Variants in ADGRG7 observed in about 807,000 individuals in gnomAD.
ADGRG7 encodes adhesion G protein-coupled receptor G7.
Under a neutral mutation model 88.6 loss-of-function variants are expected in ADGRG7, and 82 were observed. The observed-to-expected ratio is 0.93, with a 90% confidence interval of 0.77 to 1.11. ADGRG7 has a LOEUF of 1.11. Ranked by LOEUF, ADGRG7 falls within the 50% of genes most tolerant of loss-of-function variation. The probability of loss-of-function intolerance (pLI) is 0.00; values close to 1 mark genes in which losing one functional copy is unlikely to be tolerated. For synonymous variants in ADGRG7, 381 were observed against 345.2 expected, an observed-to-expected ratio of 1.10 and a Z score of -1.15; for missense variants, 945 against 953.4, an observed-to-expected ratio of 0.99 and a Z score of 0.12.
At chr3:100,683,334 T>C (rs2094976610) in intron 15 of ADGRG7, among the ~76,000 whole-genome samples, 1 of 152,170 alleles carries the variant, frequency 6.6e-6, no homozygotes, top group Non-Finnish European at 1.5e-5. Context: ...GCTGTGGCTC[T>C]TCGGGGAGCC....
At position 100,682,219 on chromosome 3, in the gene ADGRG7, G is replaced by A. The variant is rs1333147883; in HGVS notation, c.2137-12525G>A. Reference sequence around the variant, plus strand: ...TGCCCTGATGGGGCCGGACCCAGCCGCTCACCGGAGGGAGAGCAGTGCAGT... The same window carrying A: ...TGCCCTGATGGGGCCGGACCCAGCCACTCACCGGAGGGAGAGCAGTGCAGT... On this transcript the variant is annotated intron_variant, in intron 15 of 15. Coordinates refer to ENST00000273352, the MANE Select transcript of ADGRG7 (RefSeq NM_032787.3). 3.3e-5 allele frequency among the ~76,000 whole-genome samples: 5 copies of A among 152,256 alleles called. No individual in the cohort carries two copies. In the East Asian group the frequency reaches 5.8e-4, roughly 18 times the overall value.
intron 15 of ADGRG7, among the ~76,000 whole-genome samples, chr3:100,684,078 A>T (rs549926538): frequency 1.3e-5 from 2 of 151,898 alleles, no homozygotes; most frequent in Non-Finnish European, 2.9e-5. Flanking sequence ...TTGAAATCTG[A>T]TTTTCTGTCT....
chr3:100,616,064 C>G (rs1043130875), intron 1 of ADGRG7, among the ~76,000 whole-genome samples: 1 of 152,280 alleles, frequency 6.6e-6, no homozygotes, highest in Non-Finnish European at 1.5e-5. Flanking sequence ...TAAATCTGTC[C>G]TACCTATACA....
At chr3:100,676,842 A>G (rs1217663094) in intron 15 of ADGRG7, among the ~76,000 whole-genome samples, 1 of 151,976 alleles carries the variant, frequency 6.6e-6, no homozygotes. Context: ...TGACCTTTTT[A>G]TCATTGTATA....
At chr3:100,616,259 C>A (rs181580567) in intron 1 of ADGRG7, among the ~76,000 whole-genome samples, 7 of 152,000 alleles carry the variant, frequency 4.6e-5, no homozygotes, top group African/African-American at 9.7e-5. Context: ...AAATTACATG[C>A]GAACCATGAT....
chr3:100,653,053 CA>C (rs1424195597), intron 11 of ADGRG7, among the ~76,000 whole-genome samples: 12 of 152,128 alleles, frequency 7.9e-5, no homozygotes, highest in African/African-American at 2.4e-5. Context: ...AAGCATTTCC[CA>C]AAATGTGGTC....
intron 10 of ADGRG7, among the ~76,000 whole-genome samples, chr3:100,647,933 C>T (rs1559679143): frequency 6.6e-6 from 1 of 152,118 alleles, no homozygotes; most frequent in Admixed American, 6.6e-5. Flanking sequence ...AGCACAGAAC[C>T]TTGCTTTTTA....
intron 14 of ADGRG7, among the ~76,000 whole-genome samples, chr3:100,668,319 T>C (rs2094954238): frequency 6.6e-6 from 1 of 152,248 alleles, no homozygotes; most frequent in African/African-American, 2.4e-5. Flanking sequence ...GGAAAGCTCA[T>C]CTCTGCTCCA....
At chr3:100,694,347 A>G (rs988401106) in intron 15 of ADGRG7, among the ~76,000 whole-genome samples, 6 of 152,228 alleles carry the variant, frequency 3.9e-5, no homozygotes, top group African/African-American at 1.4e-4. Flanking sequence ...ACAAATTTCT[A>G]GCTATGTTAC....
At position 100,672,499 on chromosome 3, in the gene ADGRG7, C is replaced by G. The variant is rs149764145; in HGVS notation, c.2136+3394C>G. Among the ~76,000 whole-genome samples the G allele has an allele frequency of 3.4e-3, 518 of 152,290 alleles. 5 individuals carry two copies. The highest frequency in any genetic ancestry group is 5.0e-3 in the Non-Finnish European group (339 of 68,014). On this transcript the variant is annotated intron_variant, in intron 15 of 15. Coordinates refer to ENST00000273352, the MANE Select transcript of ADGRG7 (RefSeq NM_032787.3). ...TCTAAACATACAATCATGTCGTCTG[C>G]AAACAGAGACAATTTGACTTCCTCT...
At chr3:100,688,133 C>T (rs1323469187) in intron 15 of ADGRG7, among the ~76,000 whole-genome samples, 2 of 152,148 alleles carry the variant, frequency 1.3e-5, no homozygotes, top group African/African-American at 4.8e-5. Context: ...GGAATTTATC[C>T]ATTTCTTCTA....
intron 1 of ADGRG7, among the ~76,000 whole-genome samples, chr3:100,615,659 T>C (rs547395248): frequency 6.6e-6 from 1 of 152,340 alleles, no homozygotes; most frequent in African/African-American, 2.4e-5. Flanking sequence ...GGAGTAGACA[T>C]GGATGGACCT....
chr3:100,613,874 A>G (rs1256480902), intron 1 of ADGRG7, among the ~76,000 whole-genome samples: 1 of 152,204 alleles, frequency 6.6e-6, no homozygotes, highest in Non-Finnish European at 1.5e-5. Flanking sequence ...AGTAGGGGAA[A>G]GAAAACTCTG....
chr3:100,615,695 T>C (rs1416961173), intron 1 of ADGRG7, among the ~76,000 whole-genome samples: 5 of 152,194 alleles, frequency 3.3e-5, no homozygotes, highest in Admixed American at 3.3e-4. Context: ...ACATAGAAGT[T>C]ACAAATAAAA....
rs563168019 is a variant in ADGRG7, at chr3:100,640,167, C to A, written c.698+2765C>A. ...CTCTTGATGAGCTTCCAACAGAGGT[C>A]ATCTCTCCACGAGAAGGAAATTAAT... On this transcript the variant is annotated intron_variant, in intron 6 of 15. Transcript: ENST00000273352. 9.2e-5 allele frequency among the ~76,000 whole-genome samples: 14 copies of A among 152,304 alleles called. No homozygotes were observed. In the South Asian group the frequency reaches 2.9e-3, roughly 32 times the overall value.
Position 100,629,686 on chromosome 3 carries a change from G to A in ADGRG7, c.204G>A (p.Glu68=), listed in dbSNP as rs746846467. Residue 68 remains glutamate, a synonymous_variant, in exon 2 of 16, where the codon GAG becomes GAA. Transcript: ENST00000273352. ...WENGRCICTE[E]WKGLRCTIAN... is the part of the protein sequence containing the mutation. ...ATGGCAGATGTATTTGTACAGAAGA[G>A]TGGAAAGGACTGAGATGTACAATTG... 6 of 1,612,450 alleles carry A rather than the reference G, an allele frequency of 3.7e-6. No individual in the cohort carries two copies. In the African/African-American group the frequency reaches 4.0e-5, roughly 11 times the overall value.
chr3:100,612,311 T>C (rs544312997), intron 1 of ADGRG7, among the ~76,000 whole-genome samples: 326 of 152,268 alleles, frequency 2.1e-3, no homozygotes, highest in Non-Finnish European at 4.0e-3. Context: ...ATTTATGCTA[T>C]TTATGTATTT....
intron 15 of ADGRG7, among the ~76,000 whole-genome samples, chr3:100,683,360 C>T (rs562567970): frequency 2.0e-5 from 3 of 152,276 alleles, no homozygotes; most frequent in Admixed American, 2.0e-4. Context: ...CTAGGAACTC[C>T]CTGAGCCAGG....
At chr3:100,622,202 C>T (rs1030331613) in intron 1 of ADGRG7, among the ~76,000 whole-genome samples, 6 of 150,954 alleles carry the variant, frequency 4.0e-5, no homozygotes, top group Non-Finnish European at 8.8e-5. Flanking sequence ...TTGCATTTTA[C>T]GTTAGATCTA....
Sources: allele counts gnomAD v4.1 joint callset (sites outside exome capture counted in the v4.1 genomes callset), GRCh38; gene constraint gnomAD v4.1.1; transcripts MANE v1.5; gene names NCBI Gene and HGNC (gene_info 2026-07-23, HGNC 2026-07-21).